Variants in SPATA9 observed in about 807,000 individuals in gnomAD.
SPATA9 encodes spermatogenesis associated 9.
A neutral mutation model predicts 25.5 loss-of-function variants in SPATA9; 27 were observed. That is an observed-to-expected ratio of 1.06 (90% CI 0.78 to 1.46). The LOEUF is 1.46. SPATA9 is among the 40% of genes most tolerant of loss of function. SPATA9 has a pLI of 0.00. For synonymous variants in SPATA9, 102 were observed against 105.7 expected (o/e 0.97, Z 0.21); for missense variants, 282 against 297.5 (o/e 0.95, Z 0.38).
chr5:95,712,261 A>ATGC, the SPATA9 span, among the ~76,000 whole-genome samples: 1 of 152,188 alleles, frequency 6.6e-6, no homozygotes, highest in Non-Finnish European at 1.5e-5. Context: ...TTTTCCAAAG[A>ATGC]TGCTGCAACA....
chr5:95,685,791 G>A (rs1380697699), upstream of SPATA9, among the ~76,000 whole-genome samples: 1 of 152,024 alleles, frequency 6.6e-6, no homozygotes, highest in African/African-American at 2.4e-5. Flanking sequence ...AAATACATTG[G>A]TATTACCAAT....
intron 1 of SPATA9, among the ~76,000 whole-genome samples, chr5:95,691,571 T>G (rs1469526947): frequency 6.6e-6 from 1 of 152,154 alleles, no homozygotes. Context: ...AGTGTTTTTT[T>G]CCTTATGCTA....
the SPATA9 span, chr5:95,732,023 C>A: frequency 3.1e-6 from 5 of 1,614,194 alleles, no homozygotes; most frequent in Non-Finnish European, 4.2e-6. Flanking sequence ...CCGGTGTTCA[C>A]CGAGTATCAG....
Position 95,658,551 on chromosome 5 carries a change from ACT to A in SPATA9, c.*70_*71del, listed in dbSNP as rs777552611. 4.0e-6 allele frequency: 6 copies of A among 1,499,676 alleles called. No homozygotes were observed. The highest frequency in any genetic ancestry group is 5.3e-6 in the Non-Finnish European group (6 of 1,127,340). The allele number at this position is 1,499,676 out of a possible 1,614,324, so 92.9% of individuals were successfully genotyped here. ...GAGCAATTCAGAATATGTAAACTAG[ACT>A]CTGAGTTTTGTCAGATGAAATGTGC... On this transcript the variant is annotated 3_prime_UTR_variant, in exon 5 of 5. Coordinates refer to ENST00000274432, the MANE Select transcript of SPATA9 (RefSeq NM_031952.4).
the SPATA9 span, chr5:95,731,550 C>T: frequency 2.1e-6 from 3 of 1,444,244 alleles, no homozygotes; most frequent in Non-Finnish European, 2.7e-6. Context: ...TCGGCCCCGC[C>T]GCGGTGGAGG....
At chr5:95,680,936 C>A (rs1169425685) in intron 2 of SPATA9, among the ~76,000 whole-genome samples, 5 of 152,194 alleles carry the variant, frequency 3.3e-5, no homozygotes, top group Admixed American at 1.3e-4. Context: ...AATCCAGAAT[C>A]TTCCTCAACC....
At chr5:95,724,427 G>A in the SPATA9 span, among the ~76,000 whole-genome samples, 1 of 152,210 alleles carries the variant, frequency 6.6e-6, no homozygotes, top group Non-Finnish European at 1.5e-5. Flanking sequence ...AATGTTTGGG[G>A]AGTTAGAAAA....
chr5:95,683,925 AG>A (rs1753648678), upstream of SPATA9, among the ~76,000 whole-genome samples: 1 of 152,194 alleles, frequency 6.6e-6, no homozygotes, highest in Non-Finnish European at 1.5e-5. Context: ...AATTGCAGCT[AG>A]ACCACTTTCT....
upstream of SPATA9, among the ~76,000 whole-genome samples, chr5:95,683,538 T>A (rs1171806741): frequency 6.6e-6 from 1 of 152,106 alleles, no homozygotes; most frequent in African/African-American, 2.4e-5. Context: ...ATATAGTTTG[T>A]TTGTTTGTTT....
chr5:95,696,464 TG>T (rs984936202), intron 1 of SPATA9, among the ~76,000 whole-genome samples: 3 of 152,228 alleles, frequency 2.0e-5, no homozygotes, highest in Admixed American at 6.5e-5. Context: ...TACATTGTTT[TG>T]GGTGAAATAC....
chr5:95,692,839 C>A (rs1753924428), intron 1 of SPATA9, among the ~76,000 whole-genome samples: 1 of 152,044 alleles, frequency 6.6e-6, no homozygotes, highest in Admixed American at 6.5e-5. Flanking sequence ...TCAAGGTTTT[C>A]TTTGTAGCCA....
At chr5:95,695,484 G>A (rs1366907188) in intron 1 of SPATA9, among the ~76,000 whole-genome samples, 2 of 152,138 alleles carry the variant, frequency 1.3e-5, no homozygotes, top group East Asian at 1.9e-4. Context: ...TGCACTCCCA[G>A]CTACTTGGGA....
intron 3 of SPATA9, among the ~76,000 whole-genome samples, chr5:95,669,771 GC>G (rs1437454393): frequency 6.6e-6 from 1 of 152,120 alleles, no homozygotes; most frequent in Non-Finnish European, 1.5e-5. Context: ...CTCAACTCAG[GC>G]AGGCAACTCA....
chr5:95,710,229 T>C, the SPATA9 span, among the ~76,000 whole-genome samples: 1 of 152,156 alleles, frequency 6.6e-6, no homozygotes, highest in Admixed American at 6.6e-5. Context: ...GGGCATATCT[T>C]GAAGATTGGG....
chr5:95,704,954 T>A, the SPATA9 span, among the ~76,000 whole-genome samples: 1 of 151,644 alleles, frequency 6.6e-6, no homozygotes, highest in East Asian at 1.9e-4. Context: ...AGTACTTTTT[T>A]TTTTTTTTGA....
At chr5:95,673,077 T>C (rs1456549393) in intron 3 of SPATA9, among the ~76,000 whole-genome samples, 1 of 152,082 alleles carries the variant, frequency 6.6e-6, no homozygotes, top group African/African-American at 2.4e-5. Context: ...TCCAGGGTAA[T>C]GAATAATTAA....
At chr5:95,652,456 A>C, downstream of SPATA9, 3 of 1,220,896 alleles carry the variant, frequency 2.5e-6, no homozygotes, top group Non-Finnish European at 3.3e-6. Flanking sequence ...GAGATACCTT[A>C]AACTCAATAT....
intron 2 of SPATA9, among the ~76,000 whole-genome samples, chr5:95,677,314 C>T (rs116766314): frequency 0.027 from 4,108 of 152,206 alleles, 92 homozygotes; most frequent in Non-Finnish European, 0.042. Flanking sequence ...GCATGTAATA[C>T]GCACTCTATC....
chr5:95,654,103 A>ATATT (rs1422332340), downstream of SPATA9: 3 of 1,611,866 alleles, frequency 1.9e-6, 1 homozygote. Context: ...AAAAGAGGGA[A>ATATT]TATTCTTCTG....
Sources: allele counts gnomAD v4.1 joint callset (sites outside exome capture counted in the v4.1 genomes callset), GRCh38; gene constraint gnomAD v4.1.1; transcripts MANE v1.5; gene names NCBI Gene and HGNC (gene_info 2026-07-23, HGNC 2026-07-21).